Variants in PXDNL observed in about 807,000 individuals in gnomAD.
PXDNL encodes peroxidasin like.
Under a neutral mutation model 150.8 loss-of-function variants are expected in PXDNL, and 145 were observed. That is an observed-to-expected ratio of 0.96 (90% CI 0.84 to 1.10). PXDNL has a LOEUF of 1.10. PXDNL is among the 50% of genes least tolerant of loss of function. PXDNL has a pLI of 0.00. For synonymous variants in PXDNL, 757 were observed against 725.7 expected, an observed-to-expected ratio of 1.04 and a Z score of -0.69; for missense variants, 2,087 against 1,873.9, an observed-to-expected ratio of 1.11 and a Z score of -2.10.
At position 51,554,983 on chromosome 8, in the gene PXDNL, C is replaced by T. The variant is rs1027281720; in HGVS notation, c.380+1857G>A. On this transcript the variant is annotated intron_variant, in intron 4 of 22. Coordinates refer to ENST00000356297, the MANE Select transcript of PXDNL (RefSeq NM_144651.5). The stretch of plus-strand genomic sequence containing the variant: ...TGTGCCCATTATCCAGTTCCAAAGT[C>T]ACTTCCAAATATTCAGGTGTTTGTC... Among the ~76,000 whole-genome samples the T allele has an allele frequency of 1.3e-5, 2 of 152,182 alleles. 1 individual carries two copies.
chr8:51,495,127 C>T (rs1315436035), intron 5 of PXDNL, among the ~76,000 whole-genome samples: 9 of 151,826 alleles, frequency 5.9e-5, no homozygotes, highest in Non-Finnish European at 1.3e-4. Flanking sequence ...TTAAGAAACT[C>T]ACTCAAAACC....
chr8:51,425,365 A>G (rs1463169096), intron 13 of PXDNL, among the ~76,000 whole-genome samples: 1 of 152,192 alleles, frequency 6.6e-6, no homozygotes, highest in Non-Finnish European at 1.5e-5. Flanking sequence ...ATTAAAAGCT[A>G]CCTTTTACAA....
At chr8:51,459,479 T>A (rs1330718517) in intron 8 of PXDNL, among the ~76,000 whole-genome samples, 1 of 152,220 alleles carries the variant, frequency 6.6e-6, no homozygotes, top group Non-Finnish European at 1.5e-5. Context: ...ATCATCTGGC[T>A]ACACAATGCA....
Position 51,426,665 on chromosome 8 carries a change from G to C in PXDNL, c.1619C>G (p.Pro540Arg). 2 of 1,594,344 alleles carry C rather than the reference G, an allele frequency of 1.3e-6. No individual in the cohort carries two copies. Among genetic ancestry groups the C allele is most frequent in the South Asian group, 2.2e-5 (2 of 89,398 alleles). ...TCTTACCTTATTCCAAGTAATTATG[G>C]GCTGTGGTTCTCCTTGAGCATGACA... ...ISCHAQGEPQ[P>R]IITWNKEGVQ... The change falls in exon 13 of 23, where the codon CCC becomes CGC. Residue 540 changes from proline to arginine, a missense_variant. Transcript: ENST00000356297.
intron 2 of PXDNL, among the ~76,000 whole-genome samples, chr8:51,612,926 TC>T (rs1814046975): frequency 6.6e-6 from 1 of 152,102 alleles, no homozygotes; most frequent in Non-Finnish European, 1.5e-5. Context: ...TTTGTAAGAG[TC>T]CCTTAACTAA....
intron 1 of PXDNL, among the ~76,000 whole-genome samples, chr8:51,744,082 G>A (rs1396241774): frequency 5.2e-5 from 5 of 95,910 alleles, no homozygotes; most frequent in East Asian, 3.2e-4. Context: ...AGGAAGGAAG[G>A]AAGGAAGGAA....
At chr8:51,363,932 G>A (rs1314007478) in intron 19 of PXDNL, among the ~76,000 whole-genome samples, 1 of 152,118 alleles carries the variant, frequency 6.6e-6, no homozygotes, top group African/African-American at 2.4e-5. Context: ...AGTTAAATAA[G>A]GTATTATAGA....
At chr8:51,765,909 T>C (rs929758621) in intron 1 of PXDNL, among the ~76,000 whole-genome samples, 2 of 151,988 alleles carry the variant, frequency 1.3e-5, no homozygotes, top group Admixed American at 6.5e-5. Flanking sequence ...AGTGGTGCGA[T>C]TTCAGCTCAC....
At chr8:51,744,213 G>A (rs1177454094) in intron 1 of PXDNL, among the ~76,000 whole-genome samples, 2 of 144,306 alleles carry the variant, frequency 1.4e-5, no homozygotes, top group Non-Finnish European at 3.0e-5. Context: ...GAAAAGAAAG[G>A]AAGGAAGGGA....
At chr8:51,486,875 A>G (rs1207265753) in intron 5 of PXDNL, among the ~76,000 whole-genome samples, 1 of 129,612 alleles carries the variant, frequency 7.7e-6, no homozygotes, top group East Asian at 2.6e-4. Flanking sequence ...ATCTTGGCTC[A>G]CTGAAACCTC....
Position 51,447,046 on chromosome 8 carries a change from C to G in PXDNL, c.1483G>C (p.Gly495Arg), listed in dbSNP as rs774791364. ...AGCTGCACAGACACCTTTTTCACCCCCAACGAACTGACTGCTTGACATTCA... is the reference window on the plus strand; with the variant it reads ...AGCTGCACAGACACCTTTTTCACCCGCAACGAACTGACTGCTTGACATTCA... ...QYECQAVSSL[G>R]VKKVSVQLTV... Residue 495 changes from glycine (G) to arginine (R), a missense_variant, in exon 12 of 23, where the codon GGG (glycine) becomes CGG (arginine). Physicochemically the swap from Gly to Arg is moderately radical, Grantham distance 125. Transcript: ENST00000356297. 18 of 1,613,820 alleles carry G rather than the reference C, an allele frequency of 1.1e-5. No individual in the cohort carries two copies. In the East Asian group the frequency reaches 3.3e-4, roughly 30 times the overall value.
At chr8:51,336,713 T>C (rs1366410945) in intron 21 of PXDNL, among the ~76,000 whole-genome samples, 1 of 152,252 alleles carries the variant, frequency 6.6e-6, no homozygotes, top group African/African-American at 2.4e-5. Context: ...CAATATTTCT[T>C]ATTGCTGGTG....
intron 1 of PXDNL, among the ~76,000 whole-genome samples, chr8:51,718,845 G>T (rs974637586): frequency 3.9e-5 from 6 of 152,172 alleles, no homozygotes; most frequent in Non-Finnish European, 8.8e-5. Flanking sequence ...CACTTTAAAA[G>T]GTGGATATTT....
intron 1 of PXDNL, among the ~76,000 whole-genome samples, chr8:51,752,120 A>C (rs1185759136): frequency 4.6e-5 from 7 of 152,202 alleles, no homozygotes; most frequent in African/African-American, 7.2e-5. Flanking sequence ...TAAGTGATTA[A>C]TTTCTTTTAA....
At chr8:51,713,708 T>C (rs1323848175) in intron 1 of PXDNL, among the ~76,000 whole-genome samples, 1 of 152,184 alleles carries the variant, frequency 6.6e-6, no homozygotes, top group Non-Finnish European at 1.5e-5. Flanking sequence ...AATGAAGAAA[T>C]AAACTGCTTG....
At chr8:51,765,596 T>A (rs12679983) in intron 1 of PXDNL, among the ~76,000 whole-genome samples, 27,254 of 152,120 alleles carry the variant, frequency 0.18, 2,848 homozygotes, top group Non-Finnish European at 0.22. Flanking sequence ...ATTCTGCCAA[T>A]CTCTGCCTTT....
intron 19 of PXDNL, among the ~76,000 whole-genome samples, chr8:51,354,045 T>A (rs1380198038): frequency 6.6e-6 from 1 of 152,084 alleles, no homozygotes; most frequent in Non-Finnish European, 1.5e-5. Flanking sequence ...CACATTTGGG[T>A]CTTATGAGGA....
chr8:51,696,914 AT>A lies in PXDNL; in HGVS notation c.165-42155del, dbSNP rs1431357635. Among the ~76,000 whole-genome samples the A allele has an allele frequency of 9.8e-4, 19 of 19,380 alleles. 1 individual carries two copies. The highest frequency in any genetic ancestry group is 8.8e-3 in the Admixed American group (15 of 1,714). The allele number at this position is 19,380 out of a possible 152,430, so 12.7% of individuals were successfully genotyped here. On this transcript the variant is annotated intron_variant, in intron 1 of 22. Transcript: ENST00000356297. Reference sequence around the variant, plus strand: ...CTCTGCAACAGCCTTTGCTGATTATATTGTTGCTGTTTCAAAGCAGAAACCA... The same window carrying A: ...CTCTGCAACAGCCTTTGCTGATTATATGTTGCTGTTTCAAAGCAGAAACCA...
At chr8:51,537,621 G>A (rs1021481086) in intron 4 of PXDNL, among the ~76,000 whole-genome samples, 25 of 152,176 alleles carry the variant, frequency 1.6e-4, no homozygotes, top group African/African-American at 6.0e-4. Flanking sequence ...CTATTTCTCA[G>A]TGTGAGTGTC....
Sources: gnomAD v4.1 joint callset for allele counts (sites outside exome capture counted in the v4.1 genomes callset) on GRCh38, gnomAD v4.1.1 for gene constraint, MANE v1.5 for transcripts, NCBI Gene and HGNC (gene_info 2026-07-23, HGNC 2026-07-21) for gene names.